CTNNA3: variants seen among roughly 807,000 people sequenced by gnomAD.
The protein encoded by CTNNA3 is catenin alpha 3, also known as catenin alpha-3.
A neutral mutation model predicts 95.7 loss-of-function variants in CTNNA3; 76 were observed. The ratio of observed to expected loss-of-function variants is 0.79; its 90% CI spans 0.66 to 0.96. The LOEUF (loss-of-function observed/expected upper bound fraction) is 0.96, where lower values mean the gene tolerates loss of function less well. CTNNA3 is among the 40% of genes least tolerant of loss of function. CTNNA3 has a pLI of 0.00. For missense variants in CTNNA3, 1,191 were observed against 1,089.8 expected (o/e 1.09, Z -1.31); for synonymous variants, 431 against 374.4 (o/e 1.15, Z -1.74).
intron 10 of CTNNA3, among the ~76,000 whole-genome samples, chr10:66,603,018 C>G (rs1843987664): frequency 6.6e-6 from 1 of 152,068 alleles, no homozygotes; most frequent in Admixed American, 6.6e-5. Flanking sequence ...AGCCTTTTCA[C>G]TAAGACCTGG....
chr10:66,652,356 A>G (rs1354188405), intron 9 of CTNNA3, among the ~76,000 whole-genome samples: 1 of 152,128 alleles, frequency 6.6e-6, no homozygotes, highest in Admixed American at 6.6e-5. Context: ...ATAAGACACT[A>G]TTATGAATAA....
At chr10:66,763,951 T>C (rs531402570) in intron 9 of CTNNA3, among the ~76,000 whole-genome samples, 1 of 152,252 alleles carries the variant, frequency 6.6e-6, no homozygotes, top group South Asian at 2.1e-4. Context: ...CGAGAAACCT[T>C]AAGCAAAAAT....
At chr10:67,369,503 T>A (rs1160263486) in intron 5 of CTNNA3, among the ~76,000 whole-genome samples, 3 of 152,128 alleles carry the variant, frequency 2.0e-5, no homozygotes, top group Non-Finnish European at 4.4e-5. Flanking sequence ...TGTATAAATC[T>A]GACAACAATT....
At chr10:66,546,711 C>T (rs770622535) in intron 10 of CTNNA3, among the ~76,000 whole-genome samples, 2 of 152,098 alleles carry the variant, frequency 1.3e-5, no homozygotes, top group Non-Finnish European at 2.9e-5. Context: ...ATCATGAGGA[C>T]AGCATGGGGG....
intron 3 of CTNNA3, among the ~76,000 whole-genome samples, chr10:67,541,389 A>G (rs1299525467): frequency 1.3e-5 from 2 of 151,988 alleles, no homozygotes; most frequent in African/African-American, 2.4e-5. Context: ...AATAAAGAAT[A>G]CTGTTTCTTA....
At chr10:67,549,890 G>A (rs1045590305) in intron 3 of CTNNA3, among the ~76,000 whole-genome samples, 1 of 151,890 alleles carries the variant, frequency 6.6e-6, no homozygotes, top group Non-Finnish European at 1.5e-5. Flanking sequence ...AACAATGTAC[G>A]GCCCACAAAG....
chr10:66,415,245 G>A (rs190050295), intron 11 of CTNNA3, among the ~76,000 whole-genome samples: 8 of 152,132 alleles, frequency 5.3e-5, no homozygotes, highest in African/African-American at 1.7e-4. Flanking sequence ...TACAGTCCAG[G>A]GGCCAGGGAA....
intron 7 of CTNNA3, among the ~76,000 whole-genome samples, chr10:67,002,426 G>A (rs1217158432): frequency 1.3e-5 from 2 of 152,006 alleles, no homozygotes; most frequent in Non-Finnish European, 2.9e-5. Context: ...TTAATGATAG[G>A]AAAAGTAATG....
chr10:66,261,508 C>T (rs1247909421), intron 13 of CTNNA3, among the ~76,000 whole-genome samples: 2 of 151,786 alleles, frequency 1.3e-5, no homozygotes, highest in Non-Finnish European at 2.9e-5. Flanking sequence ...ATTAATATAA[C>T]GTGTTTTGCT....
intron 5 of CTNNA3, among the ~76,000 whole-genome samples, chr10:67,281,514 T>G (rs560813803): frequency 6.6e-6 from 1 of 152,324 alleles, no homozygotes; most frequent in Admixed American, 6.5e-5. Flanking sequence ...TGCACAGCAC[T>G]GCTTCTCTAC....
chr10:67,290,887 A>G (rs2132468061), intron 5 of CTNNA3, among the ~76,000 whole-genome samples: 1 of 152,330 alleles, frequency 6.6e-6, no homozygotes, highest in African/African-American at 2.4e-5. Context: ...TACATGTCTC[A>G]GAAATTAAAA....
At chr10:66,135,171 C>A (rs901457579) in intron 13 of CTNNA3, among the ~76,000 whole-genome samples, 1 of 152,072 alleles carries the variant, frequency 6.6e-6, no homozygotes, top group African/African-American at 2.4e-5. Context: ...AAGAATGACA[C>A]CTCAATTGCA....
At chr10:67,204,308 C>T (rs1452831661) in intron 6 of CTNNA3, among the ~76,000 whole-genome samples, 2 of 151,968 alleles carry the variant, frequency 1.3e-5, no homozygotes, top group Non-Finnish European at 1.5e-5. Flanking sequence ...GCACCATCTC[C>T]CCTTGGTACT....
intron 12 of CTNNA3, among the ~76,000 whole-genome samples, chr10:66,303,844 C>A (rs201005992): frequency 3.0e-4 from 46 of 152,192 alleles, no homozygotes; most frequent in African/African-American, 9.4e-4. Flanking sequence ...CCGCCCACCT[C>A]GGCCTCCCAA....
chr10:66,832,612 T>G (rs1226903585), intron 7 of CTNNA3, among the ~76,000 whole-genome samples: 2 of 151,698 alleles, frequency 1.3e-5, no homozygotes, highest in African/African-American at 4.8e-5. Context: ...TCCTACTAGT[T>G]GTGGATATAT....
intron 10 of CTNNA3, among the ~76,000 whole-genome samples, chr10:66,564,308 G>A (rs1215218138): frequency 1.3e-5 from 2 of 152,082 alleles, no homozygotes; most frequent in African/African-American, 4.8e-5. Flanking sequence ...CTTGCCTCTA[G>A]CCAGGACCCA....
At chr10:67,526,113 G>A (rs1158499954) in intron 4 of CTNNA3, among the ~76,000 whole-genome samples, 1 of 152,104 alleles carries the variant, frequency 6.6e-6, no homozygotes, top group Admixed American at 6.5e-5. Flanking sequence ...TTAATACCTA[G>A]AGTAAAAAGA....
intron 13 of CTNNA3, among the ~76,000 whole-genome samples, chr10:66,136,432 A>G (rs937509874): frequency 3.9e-5 from 6 of 152,198 alleles, no homozygotes; most frequent in African/African-American, 1.4e-4. Context: ...GAACTTAATC[A>G]TGGCATAAGC....
intron 5 of CTNNA3, among the ~76,000 whole-genome samples, chr10:67,225,041 T>C (rs1589047878): frequency 6.6e-6 from 1 of 151,912 alleles, no homozygotes; most frequent in Non-Finnish European, 1.5e-5. Context: ...GGGGGCACGG[T>C]GGGAGTGAGA....
Sources: gnomAD v4.1 joint callset for allele counts (sites outside exome capture counted in the v4.1 genomes callset) on GRCh38, gnomAD v4.1.1 for gene constraint, MANE v1.5 for transcripts, NCBI Gene and HGNC (gene_info 2026-07-23, HGNC 2026-07-21) for gene names.